The following PLCH2 variants were observed in gnomAD, a reference collection of about 807,000 sequenced individuals.
The protein encoded by PLCH2 is 1-phosphatidylinositol 4,5-bisphosphate phosphodiesterase eta-2.
Under a neutral mutation model 134.7 loss-of-function variants are expected in PLCH2, and 98 were observed. That is an observed-to-expected ratio of 0.73 (90% CI 0.62 to 0.86). The LOEUF is 0.86. Ranked by LOEUF, PLCH2 falls within the 40% of genes least tolerant of loss-of-function variation. The probability of loss-of-function intolerance (pLI) is 0.00; values close to 1 mark genes in which losing one functional copy is unlikely to be tolerated. For synonymous variants in PLCH2, 974 were observed against 827.5 expected (o/e 1.18, Z -3.04); for missense variants, 1,994 against 1,986.6 (o/e 1.00, Z -0.07).
Position 2,496,843 on chromosome 1 carries a change from A to G in PLCH2, c.1949A>G (p.Gln650Arg), listed in dbSNP as rs765966726. The G allele has an allele frequency of 6.2e-7, 1 of 1,612,198 alleles. No individual in the cohort carries two copies. The highest frequency in any genetic ancestry group is 2.2e-5 in the East Asian group (1 of 44,870). ...GGCGCCACAGCGGCGTCCAGCTGGC[A>G]GGTGTCGTCCTTCAGCGAGACCAAG... ...DIEMEAASSW[Q>R]VSSFSETKAH... Residue 650 changes from glutamine to arginine, a missense_variant, in exon 15 of 22, where the codon CAG (glutamine) becomes CGG (arginine). By Grantham distance (43) the Gln-to-Arg change is conservative (BLOSUM62 1). Around this residue, in one of 2 missense-constraint regions of PLCH2, gnomAD observed 1,094 missense variants for 1,234.3 expected, o/e 0.89. Transcript: ENST00000378486.
At chr1:2,440,495 C>T (rs898902360) in intron 2 of PLCH2, among the ~76,000 whole-genome samples, 1 of 149,354 alleles carries the variant, frequency 6.7e-6, no homozygotes, top group Non-Finnish European at 1.5e-5. Context: ...TTGCCCGGCC[C>T]GCCCGGGGAT....
At chr1:2,459,273 C>T (rs988972347) in intron 2 of PLCH2, among the ~76,000 whole-genome samples, 1 of 152,212 alleles carries the variant, frequency 6.6e-6, no homozygotes, top group Admixed American at 6.5e-5. Context: ...GTGCCCCTTG[C>T]AGCCTTGCCG....
chr1:2,469,553 G>A (rs533693398), intron 1 of PLCH2, among the ~76,000 whole-genome samples: 7 of 152,318 alleles, frequency 4.6e-5, no homozygotes, highest in Admixed American at 2.0e-4. Flanking sequence ...GGCCCTGCCC[G>A]GGCAGTGCCC....
intron 2 of PLCH2, among the ~76,000 whole-genome samples, chr1:2,438,757 AC>A (rs1027666930): frequency 6.6e-6 from 1 of 151,706 alleles, no homozygotes; most frequent in Non-Finnish European, 1.5e-5. Flanking sequence ...AGCTGGGAGC[AC>A]CCCCCGTCCC....
intron 2 of PLCH2, among the ~76,000 whole-genome samples, chr1:2,434,312 C>A (rs903866404): frequency 2.0e-5 from 3 of 152,204 alleles, no homozygotes; most frequent in Non-Finnish European, 4.4e-5. Flanking sequence ...CACACGGACT[C>A]ACCTTCACAG....
At chr1:2,427,000 C>T (rs1007523106) in intron 1 of PLCH2, among the ~76,000 whole-genome samples, 3 of 152,212 alleles carry the variant, frequency 2.0e-5, no homozygotes, top group South Asian at 2.1e-4. Context: ...AGCCAGTGGC[C>T]CCTGGCAGAG....
intron 9 of PLCH2, 132 bp downstream of exon 9, chr1:2,489,510 C>A: frequency 1.1e-6 from 1 of 910,992 alleles, no homozygotes; most frequent in Non-Finnish European, 1.7e-6. Context: ...TGGCCACGCT[C>A]CTGACCTGGC....
the PLCH2 span, among the ~76,000 whole-genome samples, chr1:2,418,749 C>T: frequency 3.3e-4 from 51 of 152,322 alleles, no homozygotes; most frequent in African/African-American, 5.3e-4. Context: ...GGGAGTGAGC[C>T]GTGTGCTCCG....
rs373100393 is a variant in PLCH2, at chr1:2,434,060, C to T, written c.115+3431C>T. Among the ~76,000 whole-genome samples, 20 of 152,358 alleles carry T rather than the reference C, an allele frequency of 1.3e-4. No individual in the cohort carries two copies. The East Asian group carries it at 3.5e-3, about 26-fold the overall frequency. ...GGTTCCTTCACAGGCATCGCGCGTC[C>T]GGCTTCGTGGCGGGTCTCCCGTTGT... On this transcript the variant is annotated intron_variant, in intron 2 of 3. Transcript: ENST00000609981.
Position 2,480,164 on chromosome 1 carries a change from C to A in PLCH2, c.516-19C>A. ...GGCTGGGCCCATGGATCGCTGTTGG[C>A]CCCTAACTCGGCACCAAAGTGGCTG... On this transcript the variant is annotated intron_variant, in intron 3 of 21. Transcript: ENST00000378486. 1 of 1,612,356 alleles carries A rather than the reference C, an allele frequency of 6.2e-7. No homozygotes were observed. The highest frequency in any genetic ancestry group is 8.5e-7 in the Non-Finnish European group (1 of 1,179,568).
chr1:2,502,221 G>A lies in PLCH2; in HGVS notation c.2771G>A (p.Arg924Gln), dbSNP rs896678802. 6.7e-5 allele frequency: 103 copies of A among 1,540,346 alleles called. No homozygotes were observed. The highest frequency in any genetic ancestry group is 5.3e-4 in the Middle Eastern group (3 of 5,654). Residue 924 changes from arginine (R) to glutamine (Q), a missense_variant, in exon 21 of 22, where the codon CGG (arginine) becomes CAG (glutamine). By Grantham distance (43) the Arg-to-Gln change is conservative (BLOSUM62 1). Coordinates refer to ENST00000378486, the MANE Select transcript of PLCH2 (RefSeq NM_014638.4). ...RPPARPSVSQ[R>Q]ILRRTASAPT... is the part of the protein sequence containing the mutation. ...CCGGCCCGGCCCTCCGTTAGCCAGCGGATCCTGCGGCGCACGGCCAGCGCC... is the reference window on the plus strand; with the variant it reads ...CCGGCCCGGCCCTCCGTTAGCCAGCAGATCCTGCGGCGCACGGCCAGCGCC...
At chr1:2,422,176 G>A (rs548758194), upstream of PLCH2, among the ~76,000 whole-genome samples, 2 of 152,266 alleles carry the variant, frequency 1.3e-5, no homozygotes, top group South Asian at 4.1e-4. Flanking sequence ...GGCTGAGGCA[G>A]GAGAATCGCT....
chr1:2,497,709 G>T (rs938671450), intron 16 of PLCH2, 100 bp downstream of exon 16: 18 of 840,280 alleles, frequency 2.1e-5, no homozygotes, highest in Non-Finnish European at 3.2e-5. Flanking sequence ...CTAGCAAGGG[G>T]GTGGGGGCGG....
rs770272821 is a variant in PLCH2 at position 2,448,997 on chromosome 1, G to A, written c.115+18368G>A. Among the ~76,000 whole-genome samples, 323 of 152,278 alleles carry A rather than the reference G, an allele frequency of 2.1e-3. 2 individuals are homozygous for A. Among genetic ancestry groups the A allele is most frequent in the Admixed American group, 6.0e-3 (92 of 15,298 alleles). On this transcript the variant is annotated intron_variant, in intron 2 of 3. Coordinates refer to the PLCH2 transcript ENST00000609981. The surrounding 1 kb of genome is among the most constrained non-coding windows in gnomAD (Gnocchi z 4.0). ...GGGCCGTGGGCTTGGGCCCTGGAAC[G>A]CATCCCAGGATCAGTGGCTCTGCAG...
chr1:2,461,885 C>T (rs929180893), intron 2 of PLCH2, among the ~76,000 whole-genome samples: 2 of 152,094 alleles, frequency 1.3e-5, no homozygotes, highest in Admixed American at 1.3e-4. Flanking sequence ...AGGGCCTCTG[C>T]ATCTGGCCTT....
chr1:2,479,812 AC>A lies in PLCH2; in HGVS notation c.354del (p.Asn119ThrfsTer56), dbSNP rs762679226. On this transcript the variant is annotated frameshift_variant, in exon 3 of 22. Transcript: ENST00000378486. LOFTEE classifies it high-confidence loss of function. ...VFQRYPDGSF[D>X]PNCCFSIYHG... The stretch of plus-strand genomic sequence containing the variant: ...CAGCGCTACCCTGACGGCAGCTTCG[AC>A]CCCAACTGCTGCTTCAGCATCTACC... 3.3e-5 allele frequency: 52 copies of A among 1,599,492 alleles called. No homozygotes were observed. The highest frequency in any genetic ancestry group is 4.3e-5 in the Non-Finnish European group (50 of 1,174,072).
At position 2,504,259 on chromosome 1, in the gene PLCH2, G is replaced by A. The variant is rs1399913911; in HGVS notation, c.3297G>A (p.Gln1099=). ...PVIRRVKSEG[Q]VPTEPLGGWR... is the part of the protein sequence containing the mutation. The stretch of plus-strand genomic sequence containing the variant: ...TTAGAAGGGTGAAGAGTGAGGGGCA[G>A]GTGCCCACGGAGCCCCTGGGAGGGT... The change falls in exon 22 of 22, where the codon CAG becomes CAA. Residue 1099 remains glutamine, a synonymous_variant. Transcript: ENST00000378486. 1 of 1,592,028 alleles carries A rather than the reference G, an allele frequency of 6.3e-7. No homozygotes were observed. The highest frequency in any genetic ancestry group is 1.1e-5 in the South Asian group (1 of 88,832).
At chr1:2,418,075 T>C in the PLCH2 span, among the ~76,000 whole-genome samples, 2 of 152,212 alleles carry the variant, frequency 1.3e-5, no homozygotes, top group Admixed American at 1.3e-4. Context: ...CTCAGGAACC[T>C]GCAGGAGCTG....
At chr1:2,418,469 C>T in the PLCH2 span, among the ~76,000 whole-genome samples, 36,958 of 152,152 alleles carry the variant, frequency 0.24, 5,019 homozygotes, top group Middle Eastern at 0.33. Context: ...AAGGAGGGGC[C>T]CCGGGGCCAT....
Sources: allele counts gnomAD v4.1 joint callset (sites outside exome capture counted in the v4.1 genomes callset), GRCh38; gene constraint gnomAD v4.1.1; regional missense constraint gnomAD v4.1.1; non-coding constraint Gnocchi (gnomAD v3.1); transcripts MANE v1.5; gene names NCBI Gene and HGNC (gene_info 2026-07-23, HGNC 2026-07-21).